The following KAT6A variants were observed in gnomAD, a reference collection of about 807,000 sequenced individuals.
The protein encoded by KAT6A is histone acetyltransferase KAT6A.
KAT6A carries 9 observed loss-of-function variants against 198.4 expected under a neutral mutation model. The observed-to-expected ratio is 0.05, with a 90% confidence interval of 0.03 to 0.08. The LOEUF (loss-of-function observed/expected upper bound fraction) is 0.08. Ranked by LOEUF, KAT6A falls within the 10% of genes least tolerant of loss-of-function variation. KAT6A has a pLI of 1.00. For missense variants in KAT6A, 2,077 were observed against 2,509.9 expected, an observed-to-expected ratio of 0.83 and a Z score of 3.69; for synonymous variants, 890 against 883.0, an observed-to-expected ratio of 1.01 and a Z score of -0.14.
intron 8 of KAT6A, among the ~76,000 whole-genome samples, chr8:41,963,889 G>A (rs1036591980): frequency 7.2e-5 from 11 of 151,974 alleles, no homozygotes; most frequent in African/African-American, 1.9e-4. Context: ...ACACAGCTCC[G>A]AGAATACACG....
chr8:41,937,330 A>G lies in KAT6A; in HGVS notation c.3278T>C (p.Val1093Ala). Residue 1093 changes from valine to alanine, a missense_variant, in exon 16 of 17, where the codon GTA becomes GCA. Val to Ala is a moderately conservative substitution (Grantham distance 64). This residue lies in a region of KAT6A where 375 missense variants were observed against 383.0 expected (regional missense o/e 0.98). Transcript: ENST00000265713. Reference protein sequence around the residue: ...EYFRRLSSQDVLRCQSSSKRK... With the variant: ...EYFRRLSSQDALRCQSSSKRK... ...CTTAGAAGAGGACTGACACCTGAGT[A>G]CATCCTGCGAAGACAAACGACGGAA... The G allele has an allele frequency of 1.2e-6, 2 of 1,614,104 alleles. No homozygotes were observed. The highest frequency in any genetic ancestry group is 1.7e-6 in the Non-Finnish European group (2 of 1,179,930).
intron 8 of KAT6A, among the ~76,000 whole-genome samples, chr8:41,968,214 C>T (rs1325227220): frequency 3.3e-5 from 5 of 152,142 alleles, no homozygotes; most frequent in African/African-American, 9.7e-5. Context: ...AAAATTTTTG[C>T]AACCTACTCT....
intron 2 of KAT6A, among the ~76,000 whole-genome samples, chr8:42,040,841 T>C (rs1305893474): frequency 6.6e-6 from 1 of 151,626 alleles, no homozygotes; most frequent in Non-Finnish European, 1.5e-5. Flanking sequence ...AGTAGCTCAG[T>C]AGCTTTATTT....
At chr8:41,957,025 A>G (rs1250599154) in intron 8 of KAT6A, 2 of 561,488 alleles carry the variant, frequency 3.6e-6, no homozygotes, top group Admixed American at 4.1e-5. Context: ...TCAGATAGAA[A>G]GCCCAAAAGC....
At position 41,934,016 on chromosome 8, in the gene KAT6A, T is replaced by G. The variant is rs781608540; in HGVS notation, c.4204A>C (p.Thr1402Pro). 6.2e-7 allele frequency: 1 copy of G among 1,613,986 alleles called. No individual in the cohort carries two copies. The highest frequency in any genetic ancestry group is 1.3e-5 in the African/African-American group (1 of 74,904). The change falls in exon 17 of 17, where the codon ACT (threonine) becomes CCT (proline). Residue 1402 changes from threonine (T) to proline (P), a missense_variant. Thr to Pro is a conservative substitution (Grantham distance 38, BLOSUM62 -1). Coordinates refer to ENST00000265713, the MANE Select transcript of KAT6A (RefSeq NM_006766.5). ...TTTAATTCGATTAACTCTTCCTTAG[T>G]GTGGGAGTCTTCTTCGTGGTCGTCC... ...SEDDHEEDSH[T>P]KEELIELKEE... is the part of the protein sequence containing the mutation.
chr8:42,043,038 CTTAA>C (rs1040454767), intron 2 of KAT6A, among the ~76,000 whole-genome samples: 42 of 152,160 alleles, frequency 2.8e-4, no homozygotes, highest in African/African-American at 5.3e-4. Context: ...AGTCATGATA[CTTAA>C]TTGTTATGAA....
rs889964773 is a variant in KAT6A, at chr8:41,929,609, G to A, written c.*2596C>T. ...AAGGGAGGCCGGCTGGCCCAGGAGC[G>A]CGTGACATGGAGAGATACAAAGGCA... On this transcript the variant is annotated 3_prime_UTR_variant, in exon 17 of 17. Transcript: ENST00000265713. The A allele has an allele frequency of 7.8e-5, 15 of 193,170 alleles. No individual in the cohort carries two copies. The highest frequency in any genetic ancestry group is 1.4e-4 in the African/African-American group (6 of 43,068). The allele number at this position is 193,170 out of a possible 1,614,324, so 12.0% of individuals were successfully genotyped here. A position where few individuals can be genotyped will look rare whatever the true frequency, so the allele number is the denominator to read the frequency against.
In KAT6A at chr8:41,940,893, G is replaced by A. The variant is rs1822085978; in HGVS notation, c.2988C>T (p.Ser996=). The A allele has an allele frequency of 7.4e-6, 12 of 1,613,798 alleles. No homozygotes were observed. The highest frequency in any genetic ancestry group is 1.3e-5 in the African/African-American group (1 of 74,930). ...GAATTGGTGGCGAGCTTGACCGAGG[G>A]CTTTCCGGCTCCTCCTCCTCCTCGC... The part of the protein sequence containing the change: ...ESSEEEEEPE[S]PRSSSPPILT... The change falls in exon 15 of 17, where the codon AGC becomes AGT. Residue 996 remains serine (S), a synonymous_variant. Coordinates refer to ENST00000265713, the MANE Select transcript of KAT6A (RefSeq NM_006766.5).
intron 5 of KAT6A, among the ~76,000 whole-genome samples, chr8:41,979,081 A>AAC (rs1824215316): frequency 6.6e-6 from 1 of 152,158 alleles, no homozygotes; most frequent in South Asian, 2.1e-4. Context: ...CAGCCTGGCC[A>AAC]ACATGGTGAA....
In KAT6A at chr8:41,969,356, TC is replaced by T. The variant is rs1253709496; in HGVS notation, c.1482+5347del. Among the ~76,000 whole-genome samples, 18 of 152,320 alleles carry T rather than the reference TC, an allele frequency of 1.2e-4. 1 individual carries two copies. In the East Asian group the frequency reaches 3.3e-3, roughly 28 times the overall value. On this transcript the variant is annotated intron_variant, in intron 8 of 16. Transcript: ENST00000265713. The stretch of plus-strand genomic sequence containing the variant: ...CCTCTTATCTAGTCAACATGAACTT[TC>T]CCAAGTGGCTTCAAACCACTTTCTT...
intron 9 of KAT6A, among the ~76,000 whole-genome samples, chr8:41,951,337 G>C (rs550363160): frequency 5.9e-5 from 9 of 151,832 alleles, no homozygotes; most frequent in Non-Finnish European, 1.0e-4. Flanking sequence ...CTAATCTAAA[G>C]GGAATCATCT....
intron 16 of KAT6A, among the ~76,000 whole-genome samples, chr8:41,936,386 C>G (rs1821858083): frequency 6.6e-6 from 1 of 152,130 alleles, no homozygotes; most frequent in African/African-American, 2.4e-5. Flanking sequence ...AAAGTTCAAC[C>G]AGTTAATGCA....
chr8:41,993,762 T>C (rs1825055856), intron 2 of KAT6A, among the ~76,000 whole-genome samples: 1 of 152,206 alleles, frequency 6.6e-6, no homozygotes. Flanking sequence ...ATTGGTCAAA[T>C]AGCACTGCTA....
chr8:42,008,298 C>T (rs1172972811), intron 2 of KAT6A, among the ~76,000 whole-genome samples: 2 of 152,042 alleles, frequency 1.3e-5, no homozygotes, highest in East Asian at 3.9e-4. Context: ...TTTTCAACTC[C>T]AAAAATCCTA....
chr8:41,978,426 C>T (rs1824176583), intron 6 of KAT6A, among the ~76,000 whole-genome samples: 3 of 152,228 alleles, frequency 2.0e-5, no homozygotes, highest in Non-Finnish European at 4.4e-5. Context: ...CTATATTTCA[C>T]TGGGTTGTTG....
intron 8 of KAT6A, among the ~76,000 whole-genome samples, chr8:41,959,804 A>G (rs1421658253): frequency 1.3e-5 from 2 of 152,142 alleles, no homozygotes; most frequent in Middle Eastern, 3.2e-3. Context: ...TAAAAATACA[A>G]TAATTAGCTG....
chr8:42,037,365 A>G (rs1827432045), intron 2 of KAT6A, among the ~76,000 whole-genome samples: 2 of 152,210 alleles, frequency 1.3e-5, no homozygotes, highest in Admixed American at 1.3e-4. Context: ...AAAAATTGGG[A>G]AACTATTAAA....
chr8:42,011,855 A>G (rs973377863), intron 2 of KAT6A, among the ~76,000 whole-genome samples: 10 of 151,956 alleles, frequency 6.6e-5, no homozygotes, highest in African/African-American at 2.4e-4. Context: ...GCCCAAAACT[A>G]ACTTTAGGAA....
Position 41,942,859 on chromosome 8 carries a change from T to C in KAT6A, c.2370A>G (p.Glu790=). The C allele has an allele frequency of 2.5e-6, 4 of 1,614,186 alleles. No individual in the cohort carries two copies. The highest frequency in any genetic ancestry group is 3.4e-6 in the Non-Finnish European group (4 of 1,180,014). The part of the protein sequence containing the change: ...IVSNSVVSEE[E]EEEAEEGENE... ...TTTCTCCTTCCTCAGCCTCCTCTTC[T>C]TCCTCCTCTGAGACCACAGAGTTGG... Residue 790 remains glutamate (E), a synonymous_variant, in exon 14 of 17, where the codon GAA becomes GAG. Transcript: ENST00000265713.
Sources: allele counts gnomAD v4.1 joint callset (sites outside exome capture counted in the v4.1 genomes callset), GRCh38; gene constraint gnomAD v4.1.1; regional missense constraint gnomAD v4.1.1; transcripts MANE v1.5; gene names NCBI Gene and HGNC (gene_info 2026-07-23, HGNC 2026-07-21).